DNAH14: variants seen among roughly 807,000 people sequenced by gnomAD.
DNAH14 encodes axonemal beta dynein heavy chain 14.
A neutral mutation model predicts 520.9 loss-of-function variants in DNAH14; 478 were observed. The ratio of observed to expected loss-of-function variants is 0.92; its 90% CI spans 0.85 to 0.99. DNAH14 has a LOEUF of 0.99. Ranked by LOEUF, DNAH14 falls within the 50% of genes least tolerant of loss-of-function variation. The pLI, the probability that DNAH14 is intolerant of heterozygous loss-of-function variation, is 0.00. For missense variants in DNAH14, 4,831 were observed against 5,234.5 expected (o/e 0.92, Z 2.38); for synonymous variants, 1,581 against 1,757.2 (o/e 0.90, Z 2.51).
intron 37 of DNAH14, among the ~76,000 whole-genome samples, chr1:225,192,049 A>G (rs1413221671): frequency 6.6e-6 from 1 of 152,064 alleles, no homozygotes; most frequent in Non-Finnish European, 1.5e-5. Flanking sequence ...GAAAGTTTCA[A>G]TTCATCTCAG....
intron 1 of DNAH14, among the ~76,000 whole-genome samples, chr1:224,941,915 T>C (rs1313376614): frequency 6.6e-6 from 1 of 152,214 alleles, no homozygotes; most frequent in African/African-American, 2.4e-5. Context: ...ACTGTAGCCT[T>C]GTAGTATAGT....
chr1:225,051,421 TG>T (rs2068525380), intron 16 of DNAH14, 29 bp from the exon 17 acceptor site: 1 of 1,396,870 alleles, frequency 7.2e-7, no homozygotes. Flanking sequence ...ATAAAAATTC[TG>T]ACTAACATCT....
chr1:225,141,750 G>C (rs1178148173), intron 28 of DNAH14, among the ~76,000 whole-genome samples: 1 of 152,090 alleles, frequency 6.6e-6, no homozygotes, highest in Non-Finnish European at 1.5e-5. Flanking sequence ...AGACTGAGGG[G>C]AAACAAACTG....
chr1:225,129,819 G>C (rs2078185919), intron 27 of DNAH14, among the ~76,000 whole-genome samples: 1 of 152,078 alleles, frequency 6.6e-6, no homozygotes. Flanking sequence ...TTGACAAATG[G>C]AATCTAATTA....
intron 4 of DNAH14, 139 bp from the exon 5 acceptor site, chr1:224,964,340 T>C: frequency 2.1e-6 from 2 of 966,642 alleles, no homozygotes; most frequent in South Asian, 4.2e-5. Flanking sequence ...AGCTATTTTT[T>C]CTCCTCTAAT....
In DNAH14 at chr1:225,301,994, G is replaced by A. The variant is rs142879875; in HGVS notation, c.8631+964G>A. ...TTATTCATTAGATTTGAATAATAAA[G>A]AAGAAAAAAGAAATTTCAATTTGGA... is the stretch of plus-strand genomic sequence containing the variant. On this transcript the variant is annotated intron_variant, in intron 56 of 85. Transcript: ENST00000682510. 1.9e-3 allele frequency among the ~76,000 whole-genome samples: 292 copies of A among 150,884 alleles called. 2 individuals carry two copies. Among genetic ancestry groups the A allele is most frequent in the Admixed American group, 0.017 (260 of 15,146 alleles).
intron 23 of DNAH14, among the ~76,000 whole-genome samples, chr1:225,101,327 G>A (rs1009840725): frequency 4.6e-5 from 7 of 152,022 alleles, no homozygotes; most frequent in South Asian, 2.1e-4. Context: ...AAACGTATCC[G>A]TAGCCTCAAG....
intron 49 of DNAH14, among the ~76,000 whole-genome samples, chr1:225,268,222 A>G (rs942935677): frequency 6.6e-6 from 1 of 152,224 alleles, no homozygotes; most frequent in African/African-American, 2.4e-5. Context: ...AGCCAAAGAC[A>G]AAAACCACAT....
chr1:225,288,288 A>C (rs1183247406), intron 54 of DNAH14, among the ~76,000 whole-genome samples: 1 of 152,122 alleles, frequency 6.6e-6, no homozygotes, highest in Non-Finnish European at 1.5e-5. Flanking sequence ...ATTCCATAAA[A>C]TACCTGATCA....
intron 21 of DNAH14, among the ~76,000 whole-genome samples, chr1:225,090,032 G>A (rs375556300): frequency 1.6e-4 from 25 of 152,040 alleles, no homozygotes; most frequent in African/African-American, 2.4e-4. Context: ...TTTGTATTCC[G>A]ATGACATGAT....
At chr1:225,358,364 C>A in intron 73 of DNAH14, 132 bp from the exon 74 acceptor site, 2 of 795,294 alleles carry the variant, frequency 2.5e-6, no homozygotes, top group Non-Finnish European at 3.8e-6. Context: ...TCCCATTAAG[C>A]TTCCTCAACA....
intron 25 of DNAH14, among the ~76,000 whole-genome samples, chr1:225,118,576 G>A (rs908221136): frequency 1.3e-5 from 2 of 152,040 alleles, no homozygotes; most frequent in African/African-American, 4.8e-5. Context: ...TTCCAACCCT[G>A]CTGTTTAAAA....
At chr1:224,997,882 A>G (rs936147623) in intron 8 of DNAH14, among the ~76,000 whole-genome samples, 2 of 152,122 alleles carry the variant, frequency 1.3e-5, no homozygotes, top group African/African-American at 4.8e-5. Flanking sequence ...CGCAAGGACA[A>G]AAAACCAAAC....
intron 48 of DNAH14, among the ~76,000 whole-genome samples, chr1:225,265,835 G>A (rs912688860): frequency 6.6e-6 from 1 of 151,976 alleles, no homozygotes; most frequent in African/African-American, 2.4e-5. Context: ...GAATAACTGA[G>A]GAACCTAATC....
intron 1 of DNAH14, among the ~76,000 whole-genome samples, chr1:224,944,144 G>C (rs1231974794): frequency 6.6e-6 from 1 of 152,090 alleles, no homozygotes; most frequent in Non-Finnish European, 1.5e-5. Context: ...CTCTTTGTAG[G>C]TCTCTAAGGA....
intron 9 of DNAH14, among the ~76,000 whole-genome samples, chr1:225,006,524 G>A (rs1219192395): frequency 2.2e-5 from 3 of 136,824 alleles, no homozygotes; most frequent in Non-Finnish European, 3.2e-5. Context: ...TGGCCACTCT[G>A]GAAGTGTCTG....
chr1:225,303,195 C>G lies in DNAH14; in HGVS notation c.8671C>G (p.Pro2891Ala). ...KNLHIFVIMSPEGPSFRQNCR... is the reference protein window; with the variant it reads ...KNLHIFVIMSAEGPSFRQNCR... ...TCTTCATATTTTTGTGATCATGAGT[C>G]CTGAAGGACCTAGCTTCCGCCAAAA... The change falls in exon 57 of 86, where the codon CCT becomes GCT. Residue 2891 changes from proline to alanine, a missense_variant. Coordinates refer to ENST00000682510, the MANE Select transcript of DNAH14 (RefSeq NM_001367479.1). 6 of 1,525,368 alleles carry G rather than the reference C, an allele frequency of 3.9e-6. No individual in the cohort carries two copies. Among genetic ancestry groups the G allele is most frequent in the Non-Finnish European group, 4.4e-6 (5 of 1,137,062 alleles). The allele number at this position is 1,525,368 out of a possible 1,614,324, so 94.5% of individuals were successfully genotyped here.
At chr1:225,098,730 TACA>T (rs2075202279) in intron 22 of DNAH14, among the ~76,000 whole-genome samples, 1 of 152,226 alleles carries the variant, frequency 6.6e-6, no homozygotes, top group Non-Finnish European at 1.5e-5. Flanking sequence ...TCCTTATGGA[TACA>T]ACAACTTTGA....
intron 17 of DNAH14, among the ~76,000 whole-genome samples, chr1:225,060,272 C>T (rs1487225871): frequency 6.6e-6 from 1 of 151,996 alleles, no homozygotes; most frequent in Non-Finnish European, 1.5e-5. Flanking sequence ...TTTGATCTTC[C>T]ATCACTGATA....
Sources: allele counts gnomAD v4.1 joint callset (sites outside exome capture counted in the v4.1 genomes callset), GRCh38; gene constraint gnomAD v4.1.1; transcripts MANE v1.5; gene names NCBI Gene and HGNC (gene_info 2026-07-23, HGNC 2026-07-21).